The following NSMCE2 variants were observed in gnomAD, a reference collection of about 807,000 sequenced individuals.
The protein encoded by NSMCE2 is NSE2 SUMO ligase component of SMC5/6 complex.
Under a neutral mutation model 23.8 loss-of-function variants are expected in NSMCE2, and 24 were observed. The observed-to-expected ratio is 1.01, with a 90% CI of 0.73 to 1.42. The LOEUF is 1.42. NSMCE2 is among the 40% of genes most tolerant of loss of function. NSMCE2 has a pLI of 0.00. For synonymous variants in NSMCE2, 92 were observed against 94.1 expected (o/e 0.98, Z 0.13); for missense variants, 284 against 296.5 (o/e 0.96, Z 0.31).
intron 3 of NSMCE2, among the ~76,000 whole-genome samples, chr8:125,144,622 A>G (rs1014323780): frequency 4.6e-5 from 7 of 152,134 alleles, no homozygotes; most frequent in Non-Finnish European, 8.8e-5. Context: ...CTACATCTAT[A>G]AAAATAGCTA....
chr8:125,235,062 A>G (rs916007079), intron 5 of NSMCE2, among the ~76,000 whole-genome samples: 4 of 152,018 alleles, frequency 2.6e-5, no homozygotes, highest in African/African-American at 7.2e-5. Context: ...CCTGGCCAAC[A>G]TGGTGAAAAC....
rs181731165 is a variant in NSMCE2 at position 125,311,886 on chromosome 8, C to A, written c.419-45333C>A. On this transcript the variant is annotated intron_variant, in intron 5 of 7. Coordinates refer to ENST00000287437, the MANE Select transcript of NSMCE2 (RefSeq NM_173685.4). ...CTGAGGTTGAGAGTTCGAGACCAGC[C>A]TGACCAACATGGTCTCTACTAAAAA... 7.0e-3 allele frequency among the ~76,000 whole-genome samples: 1,063 copies of A among 151,982 alleles called. 13 individuals are homozygous for A. The highest frequency in any genetic ancestry group is 0.024 in the African/African-American group (1,006 of 41,448).
intron 5 of NSMCE2, among the ~76,000 whole-genome samples, chr8:125,234,068 C>T (rs929657123): frequency 6.6e-6 from 1 of 151,538 alleles, no homozygotes; most frequent in Non-Finnish European, 1.5e-5. Context: ...TGTCAGGCGC[C>T]TGTAGTCCCA....
At chr8:125,206,821 G>C (rs955990040) in intron 5 of NSMCE2, among the ~76,000 whole-genome samples, 2 of 152,148 alleles carry the variant, frequency 1.3e-5, no homozygotes, top group African/African-American at 4.8e-5. Context: ...AAAGAGAGGG[G>C]GAGAAAGGCT....
At position 125,270,315 on chromosome 8, in the gene NSMCE2, C is replaced by T. The variant is rs113565816; in HGVS notation, c.419-86904C>T. Among the ~76,000 whole-genome samples, 347 of 152,080 alleles carry T rather than the reference C, an allele frequency of 2.3e-3. 1 individual carries two copies. The highest frequency in any genetic ancestry group is 7.9e-3 in the African/African-American group (328 of 41,496). On this transcript the variant is annotated intron_variant, in intron 5 of 7. Coordinates refer to ENST00000287437, the MANE Select transcript of NSMCE2 (RefSeq NM_173685.4). Reference sequence around the variant, plus strand: ...ACCTCTGTCTACTAAAAATACAAAACTTAGCGGGGCATGGTGGCAGGCACC... The same window carrying T: ...ACCTCTGTCTACTAAAAATACAAAATTTAGCGGGGCATGGTGGCAGGCACC...
intron 3 of NSMCE2, among the ~76,000 whole-genome samples, chr8:125,146,942 C>T (rs1053788624): frequency 1.3e-5 from 2 of 152,050 alleles, no homozygotes; most frequent in Non-Finnish European, 1.5e-5. Context: ...TTATGTTGCC[C>T]TGAGATTTGA....
intron 7 of NSMCE2, among the ~76,000 whole-genome samples, chr8:125,363,559 A>AGAGG (rs1256071209): frequency 3.2e-5 from 4 of 125,864 alleles, no homozygotes; most frequent in African/African-American, 8.8e-5. Context: ...AGAGAGAGAG[A>AGAGG]GAGGGAGGGA....
chr8:125,182,249 G>A lies in NSMCE2; in HGVS notation c.411G>A (p.Lys137=), dbSNP rs1822862823. The A allele has an allele frequency of 3.7e-6, 6 of 1,600,898 alleles. No homozygotes were observed. Among genetic ancestry groups the A allele is most frequent in the Non-Finnish European group, 5.1e-6 (6 of 1,175,550 alleles). ...VQFKQQLKEL[K]KQCGLQADRE... The stretch of plus-strand genomic sequence containing the variant: ...TTAAACAACAGCTGAAAGAACTAAA[G>A]AAGCAATGTAAGTCAACATGCTTTG... Residue 137 remains lysine, a synonymous_variant, in exon 5 of 8, where the codon AAG becomes AAA. Transcript: ENST00000287437.
intron 5 of NSMCE2, among the ~76,000 whole-genome samples, chr8:125,272,879 G>A (rs1827286228): frequency 6.6e-6 from 1 of 150,930 alleles, no homozygotes; most frequent in African/African-American, 2.4e-5. Context: ...ACGTATACGT[G>A]TGTGTATATA....
intron 7 of NSMCE2, among the ~76,000 whole-genome samples, chr8:125,359,989 G>A (rs1009071886): frequency 4.6e-5 from 7 of 152,168 alleles, no homozygotes; most frequent in African/African-American, 1.7e-4. Context: ...TTAAGTTATA[G>A]AAAATTAGAG....
At chr8:125,217,112 G>A (rs951570445) in intron 5 of NSMCE2, among the ~76,000 whole-genome samples, 5 of 152,132 alleles carry the variant, frequency 3.3e-5, no homozygotes, top group African/African-American at 1.2e-4. Context: ...CATAAGATAA[G>A]TTAGACTATT....
chr8:125,308,322 G>T (rs976584407), intron 5 of NSMCE2, among the ~76,000 whole-genome samples: 1 of 152,006 alleles, frequency 6.6e-6, no homozygotes, highest in Non-Finnish European at 1.5e-5. Context: ...GTTTTGGGGG[G>T]AAAAAATCCT....
intron 5 of NSMCE2, among the ~76,000 whole-genome samples, chr8:125,320,196 GAGAA>G (rs1377792213): frequency 4.9e-5 from 6 of 122,902 alleles, no homozygotes; most frequent in Admixed American, 9.0e-5. Context: ...GAGAGAGAGA[GAGAA>G]AGAAAGAGAA....
At chr8:125,252,399 T>C (rs538475448) in intron 5 of NSMCE2, among the ~76,000 whole-genome samples, 36 of 152,108 alleles carry the variant, frequency 2.4e-4, no homozygotes, top group East Asian at 1.2e-3. Context: ...TGGTGGTGGG[T>C]GCCTGTAGTC....
intron 5 of NSMCE2, among the ~76,000 whole-genome samples, chr8:125,183,555 G>C (rs1822933824): frequency 6.6e-6 from 1 of 151,998 alleles, no homozygotes; most frequent in Middle Eastern, 3.2e-3. Context: ...GTATAGCCAT[G>C]AGAATTAGAC....
intron 3 of NSMCE2, among the ~76,000 whole-genome samples, chr8:125,128,512 C>T (rs1176800394): frequency 2.0e-5 from 3 of 152,080 alleles, no homozygotes; most frequent in Non-Finnish European, 2.9e-5. Context: ...AATGGAGGCC[C>T]CATTTTCTAA....
chr8:125,114,645 G>A (rs1818909723), intron 3 of NSMCE2, among the ~76,000 whole-genome samples: 1 of 152,214 alleles, frequency 6.6e-6, no homozygotes, highest in Admixed American at 6.5e-5. Context: ...GCCTCTAGGT[G>A]TTCAGATGCT....
chr8:125,160,806 TTC>T (rs1335219367), intron 4 of NSMCE2, among the ~76,000 whole-genome samples: 1 of 152,238 alleles, frequency 6.6e-6, no homozygotes, highest in Non-Finnish European at 1.5e-5. Flanking sequence ...TAAAATGTAT[TTC>T]TCTCTGTGTA....
chr8:125,105,535 A>G (rs1818420281), intron 3 of NSMCE2, among the ~76,000 whole-genome samples: 1 of 152,124 alleles, frequency 6.6e-6, no homozygotes, highest in Non-Finnish European at 1.5e-5. Context: ...AACATGTGCA[A>G]TTTAAGAAGA....
Sources: gnomAD v4.1 joint callset for allele counts (sites outside exome capture counted in the v4.1 genomes callset) on GRCh38, gnomAD v4.1.1 for gene constraint, MANE v1.5 for transcripts, NCBI Gene and HGNC (gene_info 2026-07-23, HGNC 2026-07-21) for gene names.